SIRT2: variants seen among roughly 807,000 people sequenced by gnomAD.
The protein encoded by SIRT2 is NAD-dependent protein deacetylase sirtuin-2.
In SIRT2, 40 loss-of-function variants were observed where a neutral mutation model predicts 57.4. The ratio of observed to expected loss-of-function variants is 0.70; its 90% CI spans 0.54 to 0.91. The LOEUF (loss-of-function observed/expected upper bound fraction) is 0.91. Ranked by LOEUF, SIRT2 falls within the 40% of genes least tolerant of loss-of-function variation. The pLI is 0.00. For synonymous variants in SIRT2, 161 were observed against 195.7 expected (o/e 0.82, Z 1.48); for missense variants, 439 against 510.4 (o/e 0.86, Z 1.35).
At chr19:38,879,921 G>A (rs938959996) in intron 13 of SIRT2, 19 of 552,080 alleles carry the variant, frequency 3.4e-5, no homozygotes, top group Non-Finnish European at 5.8e-5. Flanking sequence ...CACCTCCTGG[G>A]TTCAAGTGAT....
chr19:38,880,105 G>A lies in SIRT2; in HGVS notation c.877-403C>T, dbSNP rs1973097050. The stretch of plus-strand genomic sequence containing the variant: ...CTCCCAAAGTGCTGGAATTACAGGC[G>A]TGAGCCATTGCGCCCAGCCAGCTCA... On this transcript the variant is annotated intron_variant, in intron 13 of 15. Transcript: ENST00000249396. The surrounding 1 kb of genome is among the most constrained non-coding windows in gnomAD (Gnocchi z 4.1). The A allele has an allele frequency of 2.0e-5, 4 of 201,382 alleles. No homozygotes were observed. Among genetic ancestry groups the A allele is most frequent in the Admixed American group, 5.3e-5 (1 of 18,776 alleles). The allele number at this position is 201,382 out of a possible 1,614,324, so 12.5% of individuals were successfully genotyped here.
At chr19:38,891,524 G>A (rs1973536925) in intron 4 of SIRT2, among the ~76,000 whole-genome samples, 1 of 151,978 alleles carries the variant, frequency 6.6e-6, no homozygotes, top group Admixed American at 6.6e-5. Context: ...ACTCCAGCCT[G>A]GGTAACAGAG....
Position 38,893,401 on chromosome 19 carries a change from A to C in SIRT2, c.226+13T>G. 6.3e-7 allele frequency: 1 copy of C among 1,575,386 alleles called. No individual in the cohort carries two copies. Among genetic ancestry groups the C allele is most frequent in the Non-Finnish European group, 8.7e-7 (1 of 1,144,920 alleles). On this transcript the variant is annotated intron_variant, in intron 4 of 15. Transcript: ENST00000249396. ...AGCCAGGCAAAGTGGCCCAATCCTGACAGGGGACTCACAGCGTTCGCTCTG... is the reference window on the plus strand; with the variant it reads ...AGCCAGGCAAAGTGGCCCAATCCTGCCAGGGGACTCACAGCGTTCGCTCTG...
At chr19:38,886,083 G>T (rs78976556) in intron 8 of SIRT2, among the ~76,000 whole-genome samples, 9 of 152,166 alleles carry the variant, frequency 5.9e-5, no homozygotes, top group Non-Finnish European at 1.2e-4. Flanking sequence ...GAGATGGCTC[G>T]CATGTGTGGC....
chr19:38,899,431 C>A, intron 1 of SIRT2, 75 bp downstream of exon 1: 1 of 1,571,524 alleles, frequency 6.4e-7, no homozygotes, highest in East Asian at 2.2e-5. Context: ...CGCGGCCACC[C>A]TTGGGCCCCG....
intron 2 of SIRT2, among the ~76,000 whole-genome samples, chr19:38,895,145 C>T (rs1180502631): frequency 2.0e-5 from 3 of 151,948 alleles, no homozygotes; most frequent in Non-Finnish European, 4.4e-5. Context: ...TGTCCACCAA[C>T]CCCCTTTCCC....
intron 8 of SIRT2, among the ~76,000 whole-genome samples, chr19:38,884,447 TG>T (rs1273814495): frequency 2.6e-5 from 4 of 151,820 alleles, no homozygotes; most frequent in African/African-American, 9.7e-5. Flanking sequence ...TTTGTTTGTT[TG>T]TTTGTTTGTT....
chr19:38,891,269 C>T (rs965839457), intron 4 of SIRT2, among the ~76,000 whole-genome samples: 7 of 152,172 alleles, frequency 4.6e-5, no homozygotes, highest in African/African-American at 1.4e-4. Context: ...ATTTTTAGGG[C>T]CGGGCCCGGT....
rs193197475 is a variant in SIRT2 at position 38,888,844 on chromosome 19, C to T, written c.501+243G>A. On this transcript the variant is annotated intron_variant, in intron 8 of 15. Transcript: ENST00000249396. ...AGGTCACTGCCACCGCACTGCAGAC[C>T]TGAGAGGGCAGACCTGAGAGGGCAA... Among the ~76,000 whole-genome samples the T allele has an allele frequency of 1.4e-3, 210 of 152,204 alleles. 1 individual carries two copies. Among genetic ancestry groups the T allele is most frequent in the Admixed American group, 3.9e-3 (60 of 15,288 alleles).
At chr19:38,894,266 T>TTTTG (rs1004548591) in intron 2 of SIRT2, 9 of 233,898 alleles carry the variant, frequency 3.8e-5, no homozygotes, top group East Asian at 1.2e-4. Flanking sequence ...CAGGCTCATT[T>TTTTG]TTTGTTTGTT....
At chr19:38,887,884 C>T (rs370875116) in intron 8 of SIRT2, among the ~76,000 whole-genome samples, 16 of 151,898 alleles carry the variant, frequency 1.1e-4, no homozygotes, top group African/African-American at 3.6e-4. Flanking sequence ...CTCAGCCTCC[C>T]GAGTAGCTGG....
In SIRT2 at chr19:38,889,119, C is replaced by A. The variant is rs1485248024; in HGVS notation, c.469G>T (p.Asp157Tyr). The A allele has an allele frequency of 3.7e-6, 6 of 1,613,096 alleles. No homozygotes were observed. Among genetic ancestry groups the A allele is most frequent in the Non-Finnish European group, 2.5e-6 (3 of 1,180,024 alleles). The change falls in exon 8 of 16, where the codon GAC becomes TAC. Residue 157 changes from aspartate to tyrosine, a missense_variant. Physicochemically the swap from Asp to Tyr is radical, Grantham distance 160. Coordinates refer to ENST00000249396, the MANE Select transcript of SIRT2 (RefSeq NM_012237.4). ...ICHYFMRLLK[D>Y]KGLLLRCYTQ... ...TAGCAGCGCAGGAGTAGCCCCTTGT[C>A]CTTCAGCAGGCGCATGAAGTAGTGA...
intron 3 of SIRT2, 72 bp downstream of exon 3, chr19:38,893,747 A>G: frequency 6.4e-7 from 1 of 1,563,458 alleles, no homozygotes. Flanking sequence ...AGGAGGTATC[A>G]CCCACACCCC....
intron 8 of SIRT2, among the ~76,000 whole-genome samples, chr19:38,886,682 C>T (rs1420479807): frequency 7.0e-6 from 1 of 142,596 alleles, no homozygotes; most frequent in African/African-American, 2.6e-5. Context: ...AGTGCAATGG[C>T]GGAATCTTGG....
rs537367346 is a variant in SIRT2, at chr19:38,881,006, A to G, written c.747+94T>C. ...GCCGCCCCCCATAGCTGGGGAGGTGACCTTTCCTGAGGCAGGGCCCAGGCT... is the reference window on the plus strand; with the variant it reads ...GCCGCCCCCCATAGCTGGGGAGGTGGCCTTTCCTGAGGCAGGGCCCAGGCT... On this transcript the variant is annotated intron_variant, in intron 11 of 15. Coordinates refer to ENST00000249396, the MANE Select transcript of SIRT2 (RefSeq NM_012237.4). 3.1e-4 allele frequency: 479 copies of G among 1,544,320 alleles called. 1 individual carries two copies. Among genetic ancestry groups the G allele is most frequent in the Middle Eastern group, 1.9e-3 (9 of 4,782 alleles).
chr19:38,881,036 C>T, intron 11 of SIRT2, 64 bp downstream of exon 11: 2 of 1,575,900 alleles, frequency 1.3e-6, no homozygotes, highest in Non-Finnish European at 8.7e-7. Flanking sequence ...CAGGCTGCCC[C>T]CATGGGGCCC....
chr19:38,884,460 G>GTTTGTTTT (rs541762708), intron 8 of SIRT2, among the ~76,000 whole-genome samples: 1 of 150,520 alleles, frequency 6.6e-6, no homozygotes, highest in Admixed American at 6.6e-5. Flanking sequence ...TTGTTTGTTT[G>GTTTGTTTT]TTTTTTGAGA....
chr19:38,891,794 C>T (rs1973546643), intron 4 of SIRT2: 1 of 454,804 alleles, frequency 2.2e-6, no homozygotes, highest in Non-Finnish European at 4.6e-6. Context: ...AGCCAATTAC[C>T]CCAGAATCCA....
At chr19:38,886,768 C>T (rs1215285127) in intron 8 of SIRT2, among the ~76,000 whole-genome samples, 6 of 151,098 alleles carry the variant, frequency 4.0e-5, no homozygotes, top group African/African-American at 1.5e-4. Flanking sequence ...ATTACAGGCA[C>T]GCACCACCAC....
Sources: gnomAD v4.1 joint callset for allele counts (sites outside exome capture counted in the v4.1 genomes callset) on GRCh38, gnomAD v4.1.1 for gene constraint, Gnocchi (gnomAD v3.1) non-coding constraint, MANE v1.5 for transcripts, NCBI Gene and HGNC (gene_info 2026-07-23, HGNC 2026-07-21) for gene names.